Variants in PLPP3 observed in about 807,000 individuals in gnomAD.
PLPP3 encodes the protein PAP2 beta.
PLPP3 carries 6 observed loss-of-function variants against 29.6 expected under a neutral mutation model. The observed-to-expected ratio is 0.20, with a 90% CI of 0.11 to 0.40. The LOEUF is 0.40. PLPP3 is among the 10% of genes least tolerant of loss of function. The pLI is 1.00. For missense variants in PLPP3, 308 were observed against 407.7 expected, an observed-to-expected ratio of 0.76 and a Z score of 2.11; for synonymous variants, 152 against 159.7, an observed-to-expected ratio of 0.95 and a Z score of 0.36.
At chr1:56,527,906 G>A (rs1335244757) in intron 2 of PLPP3, among the ~76,000 whole-genome samples, 11 of 152,006 alleles carry the variant, frequency 7.2e-5, no homozygotes, top group Admixed American at 7.2e-4. Flanking sequence ...TACTGCTTTC[G>A]GACTTTATTC....
rs1046391655 is a variant in PLPP3 at position 56,579,313 on chromosome 1, T to C, written c.-297A>G. The stretch of plus-strand genomic sequence containing the variant: ...GAAACTTTTGCAGAGCTGCGCAGCT[T>C]GGGGCGCGCTGTTGTGGCGCGCGTC... On this transcript the variant is annotated 5_prime_UTR_variant, in exon 1 of 6. Coordinates refer to ENST00000371250, the MANE Select transcript of PLPP3 (RefSeq NM_003713.5). The C allele has an allele frequency of 8.5e-6, 3 of 353,666 alleles. No individual in the cohort carries two copies. Among genetic ancestry groups the C allele is most frequent in the African/African-American group, 2.2e-5 (1 of 44,936 alleles). The allele number at this position is 353,666 out of a possible 1,614,324, so 21.9% of individuals were successfully genotyped here.
chr1:56,511,861 A>T, intron 5 of PLPP3, 115 bp downstream of exon 5: 2 of 1,289,648 alleles, frequency 1.6e-6, no homozygotes, highest in South Asian at 2.5e-5. Flanking sequence ...GACTCTTCAG[A>T]CACCAAGCAG....
intron 5 of PLPP3, among the ~76,000 whole-genome samples, chr1:56,497,485 C>T (rs1645637941): frequency 6.6e-6 from 1 of 152,200 alleles, no homozygotes; most frequent in African/African-American, 2.4e-5. Flanking sequence ...AAAATAAACA[C>T]ACAGACATCC....
At chr1:56,511,340 C>T (rs559925289) in intron 5 of PLPP3, among the ~76,000 whole-genome samples, 2 of 152,246 alleles carry the variant, frequency 1.3e-5, no homozygotes, top group South Asian at 4.2e-4. Flanking sequence ...GTATGTGGTC[C>T]ATCCCAAGTT....
intron 1 of PLPP3, among the ~76,000 whole-genome samples, chr1:56,578,087 G>C (rs1402541579): frequency 6.6e-6 from 1 of 152,050 alleles, no homozygotes; most frequent in Non-Finnish European, 1.5e-5. Context: ...AACGACTTTG[G>C]AAAACAGAAG....
chr1:56,563,921 G>C (rs547179302), intron 1 of PLPP3, among the ~76,000 whole-genome samples: 2 of 152,110 alleles, frequency 1.3e-5, no homozygotes, highest in Non-Finnish European at 2.9e-5. Flanking sequence ...TATCCTCTAC[G>C]GATTTACAAA....
chr1:56,516,623 A>G (rs188277734), intron 4 of PLPP3, among the ~76,000 whole-genome samples: 59 of 152,204 alleles, frequency 3.9e-4, no homozygotes, highest in Non-Finnish European at 6.9e-4. Flanking sequence ...TGGGCTAGAG[A>G]ATCAGCCCTC....
chr1:56,557,960 C>T (rs889498923), intron 1 of PLPP3, among the ~76,000 whole-genome samples: 2 of 152,288 alleles, frequency 1.3e-5, no homozygotes, highest in Non-Finnish European at 2.9e-5. Flanking sequence ...TCCAAATCAG[C>T]GTATCCTGAG....
In PLPP3 at chr1:56,578,913, A is replaced by G. The variant is rs1194898909; in HGVS notation, c.104T>C (p.Leu35Pro). The G allele has an allele frequency of 6.2e-6, 10 of 1,602,816 alleles. No homozygotes were observed. The highest frequency in any genetic ancestry group is 6.0e-6 in the Non-Finnish European group (7 of 1,176,092). The change falls in exon 1 of 6, where the codon CTG (leucine) becomes CCG (proline). Residue 35 changes from leucine to proline, a missense_variant. Leu to Pro is a moderately conservative substitution (Grantham distance 98). Around this residue, in one of 3 missense-constraint regions of PLPP3, gnomAD observed 67 missense variants for 61.3 expected, o/e 1.09. Transcript: ENST00000371250. The part of the protein sequence containing the change: ...NPRRSGSKRV[L>P]LICLDLFCLF... ...GCAGAAGAGGTCGAGGCAGATGAGC[A>G]GCACCCGCTTGCTGCCGCTCCTCCT...
intron 1 of PLPP3, among the ~76,000 whole-genome samples, chr1:56,541,272 A>C (rs1224482059): frequency 6.6e-6 from 1 of 152,208 alleles, no homozygotes; most frequent in Non-Finnish European, 1.5e-5. Context: ...CAATATTGTC[A>C]GTCACAAAAC....
At chr1:56,535,373 A>AACAATT (rs1315040173) in intron 2 of PLPP3, among the ~76,000 whole-genome samples, 6 of 152,172 alleles carry the variant, frequency 3.9e-5, no homozygotes, top group African/African-American at 1.4e-4. Flanking sequence ...GACAAGAGAT[A>AACAATT]ACAATTATTG....
intron 1 of PLPP3, among the ~76,000 whole-genome samples, chr1:56,550,583 G>C (rs1183978332): frequency 1.3e-5 from 2 of 152,088 alleles, no homozygotes; most frequent in Admixed American, 1.3e-4. Context: ...TCAGGCAGAG[G>C]GGAGGAAGAG....
chr1:56,500,181 TG>T, intron 5 of PLPP3, among the ~76,000 whole-genome samples: 1 of 152,362 alleles, frequency 6.6e-6, no homozygotes, highest in Admixed American at 6.5e-5. Context: ...TCCTGCTATG[TG>T]TTAAACTCCA....
intron 5 of PLPP3, among the ~76,000 whole-genome samples, chr1:56,509,141 A>G (rs1645723440): frequency 6.6e-6 from 1 of 152,156 alleles, no homozygotes; most frequent in Non-Finnish European, 1.5e-5. Flanking sequence ...GAGAAAAATG[A>G]TAGGTAAGAT....
chr1:56,579,280 C>T lies in PLPP3; in HGVS notation c.-264G>A. ...AAGTCCAAGGGGAAGAGAGCCAGATCCCGAGCAGAAACTTTTGCAGAGCTG... is the reference window on the plus strand; with the variant it reads ...AAGTCCAAGGGGAAGAGAGCCAGATTCCGAGCAGAAACTTTTGCAGAGCTG... On this transcript the variant is annotated 5_prime_UTR_variant, in exon 1 of 6. Coordinates refer to ENST00000371250, the MANE Select transcript of PLPP3 (RefSeq NM_003713.5). The T allele has an allele frequency of 2.3e-6, 1 of 435,836 alleles. No homozygotes were observed. The highest frequency in any genetic ancestry group is 2.8e-5 in the South Asian group (1 of 35,378). The allele number at this position is 435,836 out of a possible 1,614,324, so 27.0% of individuals were successfully genotyped here.
chr1:56,524,562 G>A lies in PLPP3; in HGVS notation c.298-8C>T, dbSNP rs1304921261. On this transcript the variant is annotated splice_polypyrimidine_tract_variant and splice_region_variant and intron_variant, in intron 2 of 5. Coordinates refer to ENST00000371250, the MANE Select transcript of PLPP3 (RefSeq NM_003713.5). The surrounding 1 kb of genome is among the most constrained non-coding windows in gnomAD (Gnocchi z 4.3). ...GAATTCCCCCGTGATGATCTAAAAG[G>A]AATCCAACAGGGGAATTAGGCAGTA... is the stretch of plus-strand genomic sequence containing the variant. 1 of 1,602,866 alleles carries A rather than the reference G, an allele frequency of 6.2e-7. No homozygotes were observed. Among genetic ancestry groups the A allele is most frequent in the Non-Finnish European group, 8.5e-7 (1 of 1,170,548 alleles).
intron 1 of PLPP3, among the ~76,000 whole-genome samples, chr1:56,538,092 C>T (rs1645940349): frequency 6.6e-6 from 1 of 152,160 alleles, no homozygotes; most frequent in Non-Finnish European, 1.5e-5. Context: ...GGGCTTGGAC[C>T]ATGAGCATGT....
At chr1:56,543,088 A>G (rs757040767) in intron 1 of PLPP3, among the ~76,000 whole-genome samples, 14 of 152,122 alleles carry the variant, frequency 9.2e-5, no homozygotes, top group Admixed American at 2.0e-4. Context: ...ATGAGTAGGT[A>G]CTGTTCTACC....
chr1:56,575,380 C>A (rs1438234185), intron 1 of PLPP3, among the ~76,000 whole-genome samples: 1 of 152,126 alleles, frequency 6.6e-6, no homozygotes, highest in Non-Finnish European at 1.5e-5. Context: ...ATATATAGAA[C>A]CAGTTCTAGA....
Sources: allele counts gnomAD v4.1 joint callset (sites outside exome capture counted in the v4.1 genomes callset), GRCh38; gene constraint gnomAD v4.1.1; regional missense constraint gnomAD v4.1.1; non-coding constraint Gnocchi (gnomAD v3.1); transcripts MANE v1.5; gene names NCBI Gene and HGNC (gene_info 2026-07-23, HGNC 2026-07-21).